The following CNTNAP5 variants were observed in gnomAD, a reference collection of about 807,000 sequenced individuals.
The protein encoded by CNTNAP5 is contactin-associated protein-like 5.
In CNTNAP5, 72 loss-of-function variants were observed where a neutral mutation model predicts 150.2. The ratio of observed to expected loss-of-function variants is 0.48; its 90% CI spans 0.40 to 0.58. The LOEUF is 0.58. Ranked by LOEUF, CNTNAP5 falls within the 20% of genes least tolerant of loss-of-function variation. The pLI is 0.00. For synonymous variants in CNTNAP5, 672 were observed against 619.8 expected (o/e 1.08, Z -1.25); for missense variants, 1,636 against 1,626.2 (o/e 1.01, Z -0.10).
intron 1 of CNTNAP5, among the ~76,000 whole-genome samples, chr2:124,084,939 T>TTTTTTTTTTTTA (rs57377130): frequency 2.0e-5 from 3 of 146,358 alleles, no homozygotes; most frequent in African/African-American, 5.0e-5. Context: ...TTTTTTTTTT[T>TTTTTTTTTTTTA]GAGACGGAGT....
chr2:124,743,446 G>A (rs1680540611), intron 13 of CNTNAP5, among the ~76,000 whole-genome samples: 1 of 152,136 alleles, frequency 6.6e-6, no homozygotes, highest in Admixed American at 6.6e-5. Context: ...CCTGTGAGAT[G>A]CTCTGATGGG....
At chr2:124,560,930 A>G (rs975667276) in intron 10 of CNTNAP5, among the ~76,000 whole-genome samples, 13 of 152,174 alleles carry the variant, frequency 8.5e-5, no homozygotes, top group South Asian at 6.2e-4. Context: ...TCAGCCACCA[A>G]AAAAAGTCAA....
intron 12 of CNTNAP5, among the ~76,000 whole-genome samples, chr2:124,627,779 G>A (rs1307867058): frequency 6.6e-6 from 1 of 152,128 alleles, no homozygotes; most frequent in African/African-American, 2.4e-5. Context: ...TGAGCTAAAG[G>A]ATTATGTTTT....
intron 1 of CNTNAP5, among the ~76,000 whole-genome samples, chr2:124,049,921 A>G (rs1681645292): frequency 6.6e-6 from 1 of 152,094 alleles, no homozygotes; most frequent in Non-Finnish European, 1.5e-5. Flanking sequence ...TGGTGGAGGG[A>G]GCGAGAAAGC....
At chr2:124,909,767 C>T (rs1392383830) in intron 22 of CNTNAP5, among the ~76,000 whole-genome samples, 2 of 147,072 alleles carry the variant, frequency 1.4e-5, no homozygotes, top group East Asian at 4.0e-4. Flanking sequence ...TCTGCCCGCT[C>T]TCTCTCTGTC....
chr2:124,617,157 G>A (rs72972580), intron 12 of CNTNAP5, among the ~76,000 whole-genome samples: 1,795 of 151,002 alleles, frequency 0.012, 28 homozygotes, highest in African/African-American at 0.041. Context: ...ACACAATATT[G>A]GAAAAATGGT....
At chr2:124,653,284 T>C (rs1452371765) in intron 13 of CNTNAP5, among the ~76,000 whole-genome samples, 4 of 152,178 alleles carry the variant, frequency 2.6e-5, no homozygotes, top group Non-Finnish European at 5.9e-5. Context: ...GAATTTTTTC[T>C]TTAATTACTG....
intron 14 of CNTNAP5, 25 bp downstream of exon 14, chr2:124,747,410 C>T (rs1468987914): frequency 6.2e-7 from 1 of 1,612,556 alleles, no homozygotes; most frequent in Admixed American, 1.7e-5. Context: ...CATCTTTCTG[C>T]AATTGTAGAG....
In CNTNAP5 at chr2:124,677,729, G is replaced by A. The variant is rs189552934; in HGVS notation, c.2077+29771G>A. Among the ~76,000 whole-genome samples, 110 of 151,390 alleles carry A rather than the reference G, an allele frequency of 7.3e-4. No individual in the cohort carries two copies. The Middle Eastern group carries it at 0.01, about 14-fold the overall frequency. On this transcript the variant is annotated intron_variant, in intron 13 of 23. Coordinates refer to ENST00000682447, the MANE Select transcript of CNTNAP5 (RefSeq NM_001367498.1). ...GAGTGCTGATTGGTGTGGTTTTACAGAGCGCTGATTGGTGCATTTACAATC... is the reference window on the plus strand; with the variant it reads ...GAGTGCTGATTGGTGTGGTTTTACAAAGCGCTGATTGGTGCATTTACAATC...
At chr2:124,461,561 A>G (rs1219643230) in intron 6 of CNTNAP5, among the ~76,000 whole-genome samples, 1 of 150,898 alleles carries the variant, frequency 6.6e-6, no homozygotes, top group Admixed American at 6.6e-5. Flanking sequence ...TAGCATTAGG[A>G]GATATACCTA....
intron 1 of CNTNAP5, among the ~76,000 whole-genome samples, chr2:124,034,538 G>T (rs560025036): frequency 1.3e-5 from 2 of 152,164 alleles, no homozygotes; most frequent in Admixed American, 6.5e-5. Context: ...TTAGTTCCTG[G>T]GTTGGGTCAT....
At chr2:124,837,075 G>A (rs1682844837) in intron 19 of CNTNAP5, among the ~76,000 whole-genome samples, 1 of 151,856 alleles carries the variant, frequency 6.6e-6, no homozygotes, top group Non-Finnish European at 1.5e-5. Flanking sequence ...TTTTACCAGA[G>A]TGGAACTGAG....
At chr2:124,148,706 A>G (rs1180884061) in intron 1 of CNTNAP5, among the ~76,000 whole-genome samples, 1 of 150,880 alleles carries the variant, frequency 6.6e-6, no homozygotes, top group Non-Finnish European at 1.5e-5. Context: ...TTGCATATAT[A>G]TCAAACTATT....
In CNTNAP5 at chr2:124,916,522, G is replaced by A. The variant is rs893861528; in HGVS notation, c.*2234G>A. 1.3e-5 allele frequency among the ~76,000 whole-genome samples: 2 copies of A among 152,110 alleles called. No individual in the cohort carries two copies. Among genetic ancestry groups the A allele is most frequent in the African/African-American group, 4.8e-5 (2 of 41,446 alleles). On this transcript the variant is annotated 3_prime_UTR_variant, in exon 24 of 24. Transcript: ENST00000682447. ...TAATGAAATAGAAAGGCAAAGGAAG[G>A]TATGAGTAATAAAGCTGGAACTCTT...
chr2:124,447,134 G>A (rs1189805124), intron 6 of CNTNAP5, among the ~76,000 whole-genome samples, 197 bp downstream of exon 6: 1 of 152,006 alleles, frequency 6.6e-6, no homozygotes, highest in Non-Finnish European at 1.5e-5. Flanking sequence ...AAGGAGTGAT[G>A]GGCTAAACCA....
intron 1 of CNTNAP5, among the ~76,000 whole-genome samples, chr2:124,132,819 T>C (rs1030553914): frequency 1.3e-5 from 2 of 152,138 alleles, no homozygotes; most frequent in Non-Finnish European, 2.9e-5. Flanking sequence ...TTGAGTACCT[T>C]GGCATGTTCA....
At chr2:124,575,098 G>A (rs1312028282) in intron 11 of CNTNAP5, among the ~76,000 whole-genome samples, 2 of 152,080 alleles carry the variant, frequency 1.3e-5, no homozygotes, top group Admixed American at 1.3e-4. Flanking sequence ...GATGAGGGAC[G>A]AGGCAAGTAC....
chr2:124,339,238 A>C (rs1689549454), intron 3 of CNTNAP5, among the ~76,000 whole-genome samples: 1 of 152,174 alleles, frequency 6.6e-6, no homozygotes, highest in Admixed American at 6.6e-5. Flanking sequence ...CTGAACAGTA[A>C]AAACACATTC....
chr2:124,240,050 T>C (rs1686847328), intron 2 of CNTNAP5, among the ~76,000 whole-genome samples: 1 of 152,178 alleles, frequency 6.6e-6, no homozygotes, highest in Non-Finnish European at 1.5e-5. Context: ...ATTTACCCTA[T>C]GTTTTAATCC....
Sources: allele counts gnomAD v4.1 joint callset (sites outside exome capture counted in the v4.1 genomes callset), GRCh38; gene constraint gnomAD v4.1.1; transcripts MANE v1.5; gene names NCBI Gene and HGNC (gene_info 2026-07-23, HGNC 2026-07-21).